Variants in DIAPH3 observed in about 807,000 individuals in gnomAD.
DIAPH3 encodes the protein protein diaphanous homolog 3.
DIAPH3 carries 117 observed loss-of-function variants against 144.3 expected under a neutral mutation model. That is an observed-to-expected ratio of 0.81 (90% CI 0.70 to 0.95). DIAPH3 has a LOEUF of 0.95. Among genes scored for constraint, DIAPH3 ranks in the 40% least tolerant of loss-of-function variants. The probability of loss-of-function intolerance (pLI) is 0.00; values close to 1 mark genes in which losing one functional copy is unlikely to be tolerated. For synonymous variants in DIAPH3, 519 were observed against 488.9 expected (o/e 1.06, Z -0.81); for missense variants, 1,421 against 1,412.7 (o/e 1.01, Z -0.09).
At chr13:59,930,667 T>C (rs1011887726) in intron 17 of DIAPH3, among the ~76,000 whole-genome samples, 2 of 152,076 alleles carry the variant, frequency 1.3e-5, no homozygotes, top group Non-Finnish European at 2.9e-5. Context: ...GCTAAGACAT[T>C]TGGATTTTAT....
At chr13:59,774,677 T>C in intron 26 of DIAPH3, 51 bp downstream of exon 26, 1 of 1,532,568 alleles carries the variant, frequency 6.5e-7, no homozygotes, top group Non-Finnish European at 9.0e-7. Flanking sequence ...ACAGGATTCT[T>C]TCTCTGTGAT....
intron 17 of DIAPH3, among the ~76,000 whole-genome samples, chr13:59,951,369 G>C (rs2049088011): frequency 6.6e-6 from 1 of 152,066 alleles, no homozygotes; most frequent in Admixed American, 6.6e-5. Context: ...AGACCTCCCA[G>C]GCCATGCTGA....
At chr13:59,730,980 C>T (rs1039261549) in intron 27 of DIAPH3, among the ~76,000 whole-genome samples, 5 of 152,120 alleles carry the variant, frequency 3.3e-5, no homozygotes, top group African/African-American at 1.2e-4. Context: ...TTGCCATTCC[C>T]CATTATTCCC....
chr13:59,751,481 A>G (rs774695886), intron 27 of DIAPH3, among the ~76,000 whole-genome samples: 4 of 152,242 alleles, frequency 2.6e-5, no homozygotes, highest in African/African-American at 7.2e-5. Flanking sequence ...TAAACACCTT[A>G]AGAGGCAGCC....
intron 7 of DIAPH3, chr13:60,013,305 C>T: frequency 1.8e-5 from 14 of 781,540 alleles, no homozygotes; most frequent in Non-Finnish European, 2.2e-5. Context: ...TGCTCTAAAT[C>T]CTCGTGTAGG....
intron 27 of DIAPH3, among the ~76,000 whole-genome samples, chr13:59,754,985 C>T (rs2139143667): frequency 6.6e-6 from 1 of 152,234 alleles, no homozygotes. Context: ...AAGTGGCAAC[C>T]TACATCATTA....
chr13:59,865,075 CT>C (rs893620653), intron 21 of DIAPH3, among the ~76,000 whole-genome samples: 1 of 151,974 alleles, frequency 6.6e-6, no homozygotes, highest in African/African-American at 2.4e-5. Context: ...CATTTATGCT[CT>C]AACATTCTCT....
intron 27 of DIAPH3, among the ~76,000 whole-genome samples, chr13:59,722,173 G>A (rs980714025): frequency 3.3e-5 from 5 of 152,112 alleles, no homozygotes; most frequent in African/African-American, 9.7e-5. Flanking sequence ...ATCGGTATAC[G>A]TCCTCATAGA....
chr13:59,997,985 G>C (rs1411089005), intron 9 of DIAPH3, among the ~76,000 whole-genome samples: 1 of 152,070 alleles, frequency 6.6e-6, no homozygotes, highest in African/African-American at 2.4e-5. Context: ...AGTTTAGACT[G>C]CTATTCATCT....
chr13:59,774,872 GC>G, intron 25 of DIAPH3, 49 bp from the exon 26 acceptor site: 3 of 1,496,936 alleles, frequency 2.0e-6, no homozygotes, highest in Non-Finnish European at 2.8e-6. Context: ...GGTTACCATA[GC>G]AATGTCAAAG....
chr13:59,983,723 G>A, intron 13 of DIAPH3, 46 bp downstream of exon 13: 1 of 1,320,240 alleles, frequency 7.6e-7, no homozygotes, highest in Non-Finnish European at 1.1e-6. Flanking sequence ...CTCATTCATA[G>A]AATAAGAGAC....
At chr13:59,818,372 T>C (rs2040890362) in intron 24 of DIAPH3, among the ~76,000 whole-genome samples, 1 of 151,962 alleles carries the variant, frequency 6.6e-6, no homozygotes, top group Admixed American at 6.6e-5. Flanking sequence ...AGAACATTTA[T>C]GTTTGTGCAT....
At chr13:59,846,223 C>T (rs1393818145) in intron 22 of DIAPH3, among the ~76,000 whole-genome samples, 1 of 135,332 alleles carries the variant, frequency 7.4e-6, no homozygotes, top group Non-Finnish European at 1.6e-5. Flanking sequence ...GGAGAGGTTA[C>T]ATAATCTTTG....
chr13:59,897,516 G>A (rs998188739), intron 20 of DIAPH3, among the ~76,000 whole-genome samples: 3 of 152,024 alleles, frequency 2.0e-5, no homozygotes, highest in Non-Finnish European at 2.9e-5. Flanking sequence ...TTGGGAGGCC[G>A]AGGGGGGCGG....
intron 14 of DIAPH3, among the ~76,000 whole-genome samples, chr13:59,974,723 AG>A (rs2050574045): frequency 6.6e-6 from 1 of 152,068 alleles, no homozygotes; most frequent in Non-Finnish European, 1.5e-5. Flanking sequence ...AACTGGCCAC[AG>A]TTATCTGCAG....
chr13:60,015,538 C>A (rs914571522), intron 7 of DIAPH3, among the ~76,000 whole-genome samples: 1 of 151,094 alleles, frequency 6.6e-6, no homozygotes, highest in African/African-American at 2.4e-5. Flanking sequence ...TCACGCCGTA[C>A]TTTTGAGAGT....
intron 8 of DIAPH3, among the ~76,000 whole-genome samples, chr13:60,009,318 C>G (rs1240013273): frequency 6.6e-6 from 1 of 151,942 alleles, no homozygotes; most frequent in East Asian, 1.9e-4. Context: ...ATGTTACTTA[C>G]AGGATCTTGA....
intron 3 of DIAPH3, among the ~76,000 whole-genome samples, chr13:60,103,116 G>A (rs1182453247): frequency 1.3e-5 from 2 of 151,928 alleles, no homozygotes; most frequent in Non-Finnish European, 1.5e-5. Context: ...TTTAAAAATA[G>A]TACCAAATAA....
chr13:60,147,063 C>T (rs1371936985), intron 1 of DIAPH3, among the ~76,000 whole-genome samples: 1 of 152,140 alleles, frequency 6.6e-6, no homozygotes, highest in Non-Finnish European at 1.5e-5. Context: ...AGTTAAATCA[C>T]GTTACTGGAA....
Sources: allele counts gnomAD v4.1 joint callset (sites outside exome capture counted in the v4.1 genomes callset), GRCh38; gene constraint gnomAD v4.1.1; transcripts MANE v1.5; gene names NCBI Gene and HGNC (gene_info 2026-07-23, HGNC 2026-07-21).